Variants in PTPN23 observed in about 807,000 individuals in gnomAD.
The protein encoded by PTPN23 is tyrosine-protein phosphatase non-receptor type 23.
A neutral mutation model predicts 156.3 loss-of-function variants in PTPN23; 72 were observed. The observed-to-expected ratio is 0.46, with a 90% CI of 0.38 to 0.56. The LOEUF is 0.56. Among genes scored for constraint, PTPN23 ranks in the 20% least tolerant of loss-of-function variants. The probability of loss-of-function intolerance (pLI) is 0.00; values close to 1 mark genes in which losing one functional copy is unlikely to be tolerated. For synonymous variants in PTPN23, 957 were observed against 899.6 expected, an observed-to-expected ratio of 1.06 and a Z score of -1.14; for missense variants, 1,974 against 2,171.5, an observed-to-expected ratio of 0.91 and a Z score of 1.81.
chr3:47,410,968 C>T lies in PTPN23; in HGVS notation c.3170C>T (p.Thr1057Ile). Residue 1057 changes from threonine (T) to isoleucine (I), a missense_variant, in exon 20 of 25, where the codon ACC (threonine) becomes ATC (isoleucine). Physicochemically the swap from Thr to Ile is moderately conservative, Grantham distance 89. Around this residue, in one of 4 missense-constraint regions of PTPN23, gnomAD observed 731 missense variants for 669.1 expected, o/e 1.09. Coordinates refer to ENST00000265562, the MANE Select transcript of PTPN23 (RefSeq NM_015466.4). ...PPLAYGPAPS[T>I]RPMGPQAAPL... ...CTGGCATATGGTCCTGCCCCTTCTA[C>T]CAGACCCATGGGCCCCCAGGCAGCC... 1 of 1,609,110 alleles carries T rather than the reference C, an allele frequency of 6.2e-7. No homozygotes were observed. Among genetic ancestry groups the T allele is most frequent in the Non-Finnish European group, 8.5e-7 (1 of 1,177,284 alleles).
intron 2 of PTPN23, among the ~76,000 whole-genome samples, chr3:47,399,663 C>T (rs143409872): frequency 4.5e-4 from 68 of 152,318 alleles, no homozygotes; most frequent in African/African-American, 1.5e-3. Context: ...CTGGGTAGAG[C>T]AGCCCCTGAG....
rs1259542194 is a variant in PTPN23 at position 47,405,845 on chromosome 3, G to A, written c.414+47G>A. ...GAACATGTGGACATACCAGGGAGGG[G>A]CAGCCTCCCAAGTATGGATGAATCC... On this transcript the variant is annotated intron_variant, in intron 5 of 24. Transcript: ENST00000265562. The surrounding 1 kb of genome is among the most constrained non-coding windows in gnomAD (Gnocchi z 4.7). 1 of 1,591,116 alleles carries A rather than the reference G, an allele frequency of 6.3e-7. No homozygotes were observed.
At position 47,409,050 on chromosome 3, in the gene PTPN23, G is replaced by C. The variant is rs369066896; in HGVS notation, c.1605G>C (p.Gln535His). The change falls in exon 16 of 25, where the codon CAG (glutamine) becomes CAC (histidine). Residue 535 changes from glutamine to histidine, a missense_variant. Around this residue, in one of 4 missense-constraint regions of PTPN23, gnomAD observed 726 missense variants for 929.5 expected, o/e 0.78. Coordinates refer to ENST00000265562, the MANE Select transcript of PTPN23 (RefSeq NM_015466.4). Reference protein sequence around the residue: ...NLRLLSGPLDQVRAALPTPAL... With the variant: ...NLRLLSGPLDHVRAALPTPAL... ...GCCTGCTCAGCGGGCCGCTTGACCA[G>C]GTCCGGGCTGCCCTGCCCACACCGG... 1.9e-6 allele frequency: 3 copies of C among 1,613,502 alleles called. No homozygotes were observed. The highest frequency in any genetic ancestry group is 1.1e-5 in the South Asian group (1 of 91,060).
At position 47,412,948 on chromosome 3, in the gene PTPN23, TAAG is replaced by T. The variant is rs775291393; in HGVS notation, c.4675_4677del (p.Lys1559del). ...CCCCACTACCTGAGGCTCCCCAGCCTAAGGAGGAGCCGCCAGTGCCTGAAGCCC... is the reference window on the plus strand; with the variant it reads ...CCCCACTACCTGAGGCTCCCCAGCCTGAGGAGCCGCCAGTGCCTGAAGCCC... On this transcript the variant is annotated inframe_deletion, in exon 25 of 25. Coordinates refer to ENST00000265562, the MANE Select transcript of PTPN23 (RefSeq NM_015466.4). The T allele has an allele frequency of 3.0e-6, 4 of 1,340,286 alleles. No homozygotes were observed. The highest frequency in any genetic ancestry group is 4.7e-5 in the Admixed American group (2 of 42,892). 83.0% of individuals were successfully genotyped at this position (1,340,286 alleles called of 1,614,324 possible). A position where few individuals can be genotyped will look rare whatever the true frequency, so the allele number is the denominator to read the frequency against.
In PTPN23 at chr3:47,404,789, G is replaced by A. The variant is rs753386351; in HGVS notation, c.287+10G>A. The stretch of plus-strand genomic sequence containing the variant: ...CTGTCCCTGTCACCTGGTGAGAGCC[G>A]CAGGCAGGGCTGGAGGATCCCACGG... On this transcript the variant is annotated intron_variant, in intron 3 of 24. Coordinates refer to ENST00000265562, the MANE Select transcript of PTPN23 (RefSeq NM_015466.4). 20 of 1,612,334 alleles carry A rather than the reference G, an allele frequency of 1.2e-5. No individual in the cohort carries two copies. The highest frequency in any genetic ancestry group is 2.7e-5 in the African/African-American group (2 of 74,894).
chr3:47,384,155 T>C (rs926480888), intron 1 of PTPN23, among the ~76,000 whole-genome samples: 2 of 151,534 alleles, frequency 1.3e-5, no homozygotes, highest in Non-Finnish European at 2.9e-5. Context: ...TTAAAAATTA[T>C]AGTGATGACA....
Position 47,405,646 on chromosome 3 carries a change from G to T in PTPN23, c.365-103G>T, listed in dbSNP as rs1475352361. On this transcript the variant is annotated intron_variant, in intron 4 of 24. Transcript: ENST00000265562. This position sits in a 1 kb window ranked among gnomAD's most constrained non-coding sequence, Gnocchi z 4.7. ...TGGACTCGTTGCCCTGGTTCTCAGA[G>T]CCATGTTGTCCTGATTGTGGATAAC... 6 of 1,227,060 alleles carry T rather than the reference G, an allele frequency of 4.9e-6. No homozygotes were observed. The highest frequency in any genetic ancestry group is 5.8e-6 in the Non-Finnish European group (5 of 865,838). 76.0% of individuals were successfully genotyped at this position (1,227,060 alleles called of 1,614,324 possible). A position where few individuals can be genotyped will look rare whatever the true frequency, so the allele number is the denominator to read the frequency against.
chr3:47,396,296 G>A, intron 2 of PTPN23, 79 bp downstream of exon 2: 1 of 1,221,392 alleles, frequency 8.2e-7, no homozygotes, highest in Non-Finnish European at 1.2e-6. Flanking sequence ...TGCCTAGGCT[G>A]GGCATGGTGG....
intron 1 of PTPN23, among the ~76,000 whole-genome samples, 191 bp downstream of exon 1, chr3:47,381,371 C>T (rs554666324): frequency 6.6e-6 from 1 of 152,320 alleles, no homozygotes; most frequent in South Asian, 2.1e-4. Context: ...TTCTCCTCCC[C>T]GATAGCCCCG....
Position 47,409,534 on chromosome 3 carries a change from G to C in PTPN23, c.1915G>C (p.Ala639Pro), listed in dbSNP as rs1372446307. 4 of 1,613,894 alleles carry C rather than the reference G, an allele frequency of 2.5e-6. No homozygotes were observed. Among genetic ancestry groups the C allele is most frequent in the Non-Finnish European group, 3.4e-6 (4 of 1,179,948 alleles). ...ALTEANVQYA[A>P]VRRVLSDLDQ... The stretch of plus-strand genomic sequence containing the variant: ...GACAGAGGCCAACGTGCAGTACGCA[G>C]CCGTGCGGCGGGTACTCAGCGACTT... The change falls in exon 18 of 25, where the codon GCC becomes CCC. Residue 639 changes from alanine to proline, a missense_variant. By Grantham distance (27) the Ala-to-Pro change is conservative. This residue lies in a region of PTPN23 where 726 missense variants were observed against 929.5 expected (regional missense o/e 0.78). Coordinates refer to ENST00000265562, the MANE Select transcript of PTPN23 (RefSeq NM_015466.4).
At chr3:47,404,438 ACT>A (rs1705073234) in intron 2 of PTPN23, among the ~76,000 whole-genome samples, 2 of 151,152 alleles carry the variant, frequency 1.3e-5, no homozygotes, top group Non-Finnish European at 2.9e-5. Flanking sequence ...AAAAGGAAAA[ACT>A]ATGTGGGATA....
intron 2 of PTPN23, among the ~76,000 whole-genome samples, chr3:47,404,051 C>T (rs568051739): frequency 1.3e-5 from 2 of 152,204 alleles, no homozygotes; most frequent in East Asian, 3.9e-4. Flanking sequence ...GGCAACATGG[C>T]AAAACCCTGT....
chr3:47,413,170 A>T lies in PTPN23; in HGVS notation c.4896A>T (p.Thr1632=), dbSNP rs769221993. 5 of 1,611,212 alleles carry T rather than the reference A, an allele frequency of 3.1e-6. No individual in the cohort carries two copies. The highest frequency in any genetic ancestry group is 3.3e-4 in the Middle Eastern group (2 of 6,056). Residue 1632 remains threonine (T), a synonymous_variant, in exon 25 of 25, where the codon ACA becomes ACT. Coordinates refer to ENST00000265562, the MANE Select transcript of PTPN23 (RefSeq NM_015466.4). ...DPLSLLDPLW[T]LNKT Reference sequence around the variant, plus strand: ...TCAGCCTTCTGGATCCACTCTGGACACTCAACAAGACCTGAACAGGTTTTG... The same window carrying T: ...TCAGCCTTCTGGATCCACTCTGGACTCTCAACAAGACCTGAACAGGTTTTG...
chr3:47,412,475 G>C (rs1705338544), intron 23 of PTPN23, 39 bp from the exon 24 acceptor site: 2 of 1,611,344 alleles, frequency 1.2e-6, no homozygotes, highest in Admixed American at 1.7e-5. Context: ...AGGGTGACGG[G>C]CCCCTGCCCA....
At position 47,394,300 on chromosome 3, in the gene PTPN23, C is replaced by T. The variant is rs141162096; in HGVS notation, c.85-1843C>T. ...GGGGTCACTGGCATGACCCTGCCGT[C>T]GGCACACAGTATGTTGGAGGCATGT... On this transcript the variant is annotated intron_variant, in intron 1 of 24. Coordinates refer to ENST00000265562, the MANE Select transcript of PTPN23 (RefSeq NM_015466.4). Among the ~76,000 whole-genome samples the T allele has an allele frequency of 3.0e-4, 46 of 152,282 alleles. No individual in the cohort carries two copies. The East Asian group carries it at 4.0e-3, about 13-fold the overall frequency.
Position 47,410,313 on chromosome 3 carries a change from C to A in PTPN23, c.2515C>A (p.Pro839Thr). 1 of 1,605,480 alleles carries A rather than the reference C, an allele frequency of 6.2e-7. No homozygotes were observed. Among genetic ancestry groups the A allele is most frequent in the East Asian group, 2.2e-5 (1 of 44,730 alleles). Reference protein sequence around the residue: ...PELGLVPRSSPQHGVVSSPYV... With the variant: ...PELGLVPRSSTQHGVVSSPYV... ...GCTGGGCCTTGTGCCCCGATCCTCC[C>A]CACAGCATGGCGTGGTGAGCAGTCC... Residue 839 changes from proline to threonine, a missense_variant, in exon 20 of 25, where the codon CCA becomes ACA. Pro to Thr is a conservative substitution (Grantham distance 38). Transcript: ENST00000265562.
intron 1 of PTPN23, 41 bp from the exon 2 acceptor site, chr3:47,396,102 G>A (rs777845317): frequency 3.9e-6 from 6 of 1,548,588 alleles, no homozygotes; most frequent in South Asian, 3.4e-5. Flanking sequence ...GCAAGGCGGG[G>A]GTCTTCTCTG....
chr3:47,397,118 A>G (rs955923924), intron 2 of PTPN23, among the ~76,000 whole-genome samples: 1 of 152,244 alleles, frequency 6.6e-6, no homozygotes, highest in Non-Finnish European at 1.5e-5. Context: ...CGGAACATTT[A>G]TAAGTCTGCC....
chr3:47,409,307 C>CA lies in PTPN23; in HGVS notation c.1788dup (p.Glu597ArgfsTer14). On this transcript the variant is annotated frameshift_variant, in exon 17 of 25. Transcript: ENST00000265562. LOFTEE classifies it high-confidence loss of function. ...GCCTCGCTGGTCACCACAGACCACT[C>CA]AGAGATGAAGGTGGGCTGGGTGAGC... is the stretch of plus-strand genomic sequence containing the variant. 1.9e-6 allele frequency: 3 copies of CA among 1,614,042 alleles called. No homozygotes were observed. Among genetic ancestry groups the CA allele is most frequent in the Non-Finnish European group, 2.5e-6 (3 of 1,179,996 alleles).
Sources: gnomAD v4.1 joint callset for allele counts (sites outside exome capture counted in the v4.1 genomes callset) on GRCh38, gnomAD v4.1.1 for gene constraint, gnomAD v4.1.1 regional missense constraint, Gnocchi (gnomAD v3.1) non-coding constraint, MANE v1.5 for transcripts, NCBI Gene and HGNC (gene_info 2026-07-23, HGNC 2026-07-21) for gene names.